Variants in ELMO1 observed in about 807,000 individuals in gnomAD.
ELMO1 encodes engulfment and cell motility 1.
ELMO1 carries 26 observed loss-of-function variants against 98.9 expected under a neutral mutation model. That is an observed-to-expected ratio of 0.26 (90% CI 0.19 to 0.36). The LOEUF (loss-of-function observed/expected upper bound fraction) is 0.36. Among genes scored for constraint, ELMO1 ranks in the 10% least tolerant of loss-of-function variants. The pLI, the probability that ELMO1 is intolerant of heterozygous loss-of-function variation, is 1.00. For missense variants in ELMO1, 627 were observed against 935.2 expected (o/e 0.67, Z 4.30); for synonymous variants, 346 against 346.0 (o/e 1.00, Z 0.00).
intron 1 of ELMO1, among the ~76,000 whole-genome samples, chr7:37,434,074 A>G (rs553457539): frequency 6.6e-6 from 1 of 152,256 alleles, no homozygotes; most frequent in African/African-American, 2.4e-5. Flanking sequence ...ATAAATGAAA[A>G]AAGTAACTCA....
At chr7:37,141,542 G>T in intron 13 of ELMO1, among the ~76,000 whole-genome samples, 1 of 151,886 alleles carries the variant, frequency 6.6e-6, no homozygotes, top group East Asian at 1.9e-4. Context: ...CTGAAAATAA[G>T]AAAATTTAAA....
chr7:37,325,620 T>TA (rs576935483), intron 2 of ELMO1, among the ~76,000 whole-genome samples: 1 of 151,514 alleles, frequency 6.6e-6, no homozygotes, highest in South Asian at 2.1e-4. Flanking sequence ...CTCCAGTGCT[T>TA]AAAAAAAAAC....
At chr7:37,280,472 C>A (rs941018271) in intron 4 of ELMO1, among the ~76,000 whole-genome samples, 6 of 151,870 alleles carry the variant, frequency 4.0e-5, no homozygotes, top group African/African-American at 1.5e-4. Context: ...GGATTGATAT[C>A]CAGAATCTAC....
chr7:37,004,976 G>A, intron 16 of ELMO1, among the ~76,000 whole-genome samples: 1 of 151,688 alleles, frequency 6.6e-6, no homozygotes, highest in East Asian at 1.9e-4. Context: ...GGGCATGGTG[G>A]TGCGTGCCTG....
chr7:36,946,566 G>A (rs747019733), intron 16 of ELMO1, among the ~76,000 whole-genome samples: 47 of 152,278 alleles, frequency 3.1e-4, no homozygotes, highest in African/African-American at 1.0e-3. Flanking sequence ...GTGTTGCTCC[G>A]TGCCTTCCAA....
chr7:36,985,223 C>A (rs2129147185), intron 16 of ELMO1: 1 of 616,906 alleles, frequency 1.6e-6, no homozygotes, highest in Admixed American at 6.3e-5. Context: ...CTTTGCAAAC[C>A]CTCTCTGGTT....
chr7:37,271,687 T>C (rs768162757), intron 5 of ELMO1, 145 bp downstream of exon 5: 2 of 798,662 alleles, frequency 2.5e-6, no homozygotes, highest in Admixed American at 2.8e-5. Context: ...GCATTCCTGC[T>C]AATCCAGAAT....
intron 4 of ELMO1, 148 bp downstream of exon 4, chr7:37,314,702 A>G (rs1799063434): frequency 4.9e-6 from 3 of 614,938 alleles, no homozygotes; most frequent in Non-Finnish European, 8.3e-6. Context: ...ATTCTAAAGT[A>G]GCAGTTGTTT....
At chr7:36,994,663 C>T (rs1350113299) in intron 16 of ELMO1, among the ~76,000 whole-genome samples, 6 of 152,232 alleles carry the variant, frequency 3.9e-5, no homozygotes, top group African/African-American at 1.2e-4. Context: ...GACTAGGGTG[C>T]TCTGTGTAGA....
chr7:37,367,225 G>A (rs1801941266), intron 1 of ELMO1, among the ~76,000 whole-genome samples: 1 of 152,144 alleles, frequency 6.6e-6, no homozygotes, highest in South Asian at 2.1e-4. Flanking sequence ...GCCTTTCCTA[G>A]GTAACCTAAT....
chr7:37,195,727 T>C (rs1791926488), intron 13 of ELMO1, among the ~76,000 whole-genome samples: 1 of 152,190 alleles, frequency 6.6e-6, no homozygotes, highest in African/African-American at 2.4e-5. Flanking sequence ...CCACCTCCAG[T>C]AGATGCCCCT....
In ELMO1 at chr7:37,304,364, C is replaced by CGT. The variant is rs1003934541; in HGVS notation, c.192+10484_192+10485dup. ...GGGTGTGTGAGGGTGTGTGTGTGTG[C>CGT]GTGTGTGTGTGTACATATGCACTTC... On this transcript the variant is annotated intron_variant, in intron 4 of 21. Transcript: ENST00000310758. 1.4e-3 allele frequency among the ~76,000 whole-genome samples: 216 copies of CGT among 151,398 alleles called. 3 individuals are homozygous for CGT. The South Asian group carries it at 0.022, about 15-fold the overall frequency.
At chr7:37,385,344 C>A (rs571846706) in intron 1 of ELMO1, among the ~76,000 whole-genome samples, 5 of 152,238 alleles carry the variant, frequency 3.3e-5, no homozygotes, top group African/African-American at 1.2e-4. Flanking sequence ...CCATCTCCCC[C>A]TCCCCTCCAG....
intron 1 of ELMO1, among the ~76,000 whole-genome samples, chr7:37,447,714 CCACACACACACACACACACACACA>C (rs3054415): frequency 1.5e-5 from 2 of 132,140 alleles, no homozygotes; most frequent in Non-Finnish European, 3.2e-5. Context: ...CGCGCACACA[CCACACACACACACACACACACACA>C]CACACACACA....
At chr7:36,869,958 C>T (rs1180883281) in intron 20 of ELMO1, among the ~76,000 whole-genome samples, 4 of 152,164 alleles carry the variant, frequency 2.6e-5, no homozygotes, top group African/African-American at 2.4e-5. Context: ...TCCCAGGCTT[C>T]GCTGAGATCC....
At chr7:36,903,110 T>C (rs1783701875) in intron 16 of ELMO1, among the ~76,000 whole-genome samples, 1 of 152,166 alleles carries the variant, frequency 6.6e-6, no homozygotes, top group African/African-American at 2.4e-5. Context: ...CACAGAGACG[T>C]CCTTACCTGG....
chr7:37,227,234 T>C (rs1049493563), intron 8 of ELMO1, among the ~76,000 whole-genome samples: 1 of 152,242 alleles, frequency 6.6e-6, no homozygotes, highest in East Asian at 1.9e-4. Context: ...GCTGGGTTAC[T>C]GAAACATAAT....
At chr7:37,324,668 A>C (rs374402749) in intron 2 of ELMO1, among the ~76,000 whole-genome samples, 2 of 152,032 alleles carry the variant, frequency 1.3e-5, no homozygotes, top group South Asian at 4.2e-4. Flanking sequence ...TGCAGCCTCA[A>C]CCTCCTGGGT....
intron 13 of ELMO1, among the ~76,000 whole-genome samples, chr7:37,207,291 C>A (rs890069281): frequency 3.9e-5 from 6 of 152,216 alleles, no homozygotes; most frequent in African/African-American, 1.4e-4. Flanking sequence ...TGGCTCACGC[C>A]TGTAATCCCA....
Sources: allele counts gnomAD v4.1 joint callset (sites outside exome capture counted in the v4.1 genomes callset), GRCh38; gene constraint gnomAD v4.1.1; transcripts MANE v1.5; gene names NCBI Gene and HGNC (gene_info 2026-07-23, HGNC 2026-07-21).